Variants in HCRTR2 observed in about 807,000 individuals in gnomAD.
The protein encoded by HCRTR2 is hypocretin receptor 2.
HCRTR2 carries 22 observed loss-of-function variants against 49.0 expected under a neutral mutation model. That is an observed-to-expected ratio of 0.45 (90% CI 0.32 to 0.64). The LOEUF (loss-of-function observed/expected upper bound fraction) is 0.64. HCRTR2 is among the 30% of genes least tolerant of loss of function. HCRTR2 has a pLI of 0.04. For synonymous variants in HCRTR2, 236 were observed against 205.3 expected (o/e 1.15, Z -1.28); for missense variants, 491 against 559.4 (o/e 0.88, Z 1.23).
intron 1 of HCRTR2, among the ~76,000 whole-genome samples, chr6:55,166,956 C>CATCTTATGATTCA (rs70983500): frequency 6.6e-6 from 1 of 151,718 alleles, no homozygotes; most frequent in Non-Finnish European, 1.5e-5. Flanking sequence ...CAAAACCCAA[C>CATCTTATGATTCA]ATTTAAAGGA....
At chr6:55,166,450 C>T (rs1284359881) in intron 1 of HCRTR2, among the ~76,000 whole-genome samples, 2 of 151,714 alleles carry the variant, frequency 1.3e-5, no homozygotes, top group African/African-American at 4.8e-5. Context: ...GTAAAGCCAT[C>T]CAGTTCTGGG....
intron 1 of HCRTR2, among the ~76,000 whole-genome samples, chr6:55,155,373 C>A (rs1188157032): frequency 1.3e-5 from 2 of 151,894 alleles, no homozygotes; most frequent in Non-Finnish European, 2.9e-5. Context: ...AAATAACAAA[C>A]CCACTTAATG....
intron 1 of HCRTR2, among the ~76,000 whole-genome samples, chr6:55,195,615 C>A (rs886561546): frequency 7.9e-5 from 12 of 152,126 alleles, no homozygotes; most frequent in African/African-American, 1.9e-4. Flanking sequence ...ATGATAAATT[C>A]TTGAGGAAAT....
chr6:55,272,182 A>C (rs2127327406), intron 4 of HCRTR2, among the ~76,000 whole-genome samples: 1 of 152,276 alleles, frequency 6.6e-6, no homozygotes, highest in Middle Eastern at 3.4e-3. Flanking sequence ...TCAGCTACTA[A>C]AAGAAATGAA....
intron 1 of HCRTR2, among the ~76,000 whole-genome samples, chr6:55,190,222 C>T (rs895373336): frequency 5.3e-5 from 8 of 152,156 alleles, no homozygotes; most frequent in African/African-American, 1.7e-4. Context: ...ACAAAACAGA[C>T]GAAGCTCCTT....
At chr6:55,241,597 A>G (rs1042957913) in intron 1 of HCRTR2, among the ~76,000 whole-genome samples, 14 of 152,148 alleles carry the variant, frequency 9.2e-5, no homozygotes, top group Non-Finnish European at 2.1e-4. Context: ...ACAACTTACT[A>G]CAAATAATAC....
intron 1 of HCRTR2, among the ~76,000 whole-genome samples, chr6:55,189,887 T>C (rs1765287738): frequency 1.3e-5 from 2 of 152,176 alleles, no homozygotes; most frequent in Admixed American, 1.3e-4. Context: ...TCAACTGTAG[T>C]GTATAGAAGG....
At chr6:55,174,841 G>T in intron 1 of HCRTR2, 31 bp downstream of exon 1, 5 of 1,570,094 alleles carry the variant, frequency 3.2e-6, no homozygotes, top group Non-Finnish European at 4.4e-6. Context: ...CCCTCCTAGG[G>T]GCTATCACCC....
chr6:55,198,295 C>T (rs745499912), intron 1 of HCRTR2, among the ~76,000 whole-genome samples: 1 of 152,084 alleles, frequency 6.6e-6, no homozygotes, highest in Non-Finnish European at 1.5e-5. Flanking sequence ...TATCTCCAAC[C>T]CTAACCCTAA....
At chr6:55,256,251 A>G (rs184854854) in intron 3 of HCRTR2, among the ~76,000 whole-genome samples, 91 of 152,312 alleles carry the variant, frequency 6.0e-4, no homozygotes, top group African/African-American at 2.0e-3. Context: ...AGGTAAGTAT[A>G]CTAAAATGGC....
At chr6:55,155,867 G>C (rs1764724092) in intron 1 of HCRTR2, among the ~76,000 whole-genome samples, 1 of 151,920 alleles carries the variant, frequency 6.6e-6, no homozygotes, top group South Asian at 2.1e-4. Flanking sequence ...ATAAGCATGA[G>C]AGAAATACCT....
At chr6:55,237,520 C>T (rs555374206) in intron 1 of HCRTR2, among the ~76,000 whole-genome samples, 1 of 152,228 alleles carries the variant, frequency 6.6e-6, no homozygotes, top group Middle Eastern at 3.4e-3. Flanking sequence ...ACTAAATTTC[C>T]GGCTCAGCAT....
intron 1 of HCRTR2, among the ~76,000 whole-genome samples, chr6:55,244,058 C>T (rs11755655): frequency 0.066 from 10,079 of 151,996 alleles, 513 homozygotes; most frequent in African/African-American, 0.14. Context: ...GGTCTGGGCA[C>T]GGAATATGTT....
At chr6:55,273,914 T>TA (rs1457485974) in intron 4 of HCRTR2, among the ~76,000 whole-genome samples, 1 of 152,056 alleles carries the variant, frequency 6.6e-6, no homozygotes, top group Non-Finnish European at 1.5e-5. Flanking sequence ...CAAATACACT[T>TA]AAACACTCAA....
rs531019352 is a variant in HCRTR2 at position 55,224,609 on chromosome 6, C to T, written c.224-24030C>T. Among the ~76,000 whole-genome samples the T allele has an allele frequency of 1.4e-3, 207 of 144,054 alleles. 1 individual carries two copies. Among genetic ancestry groups the T allele is most frequent in the Non-Finnish European group, 2.3e-3 (153 of 67,058 alleles). The allele number at this position is 144,054 out of a possible 152,430, so 94.5% of individuals were successfully genotyped here. A position where few individuals can be genotyped will look rare whatever the true frequency, so the allele number is the denominator to read the frequency against. On this transcript the variant is annotated intron_variant, in intron 1 of 6. Coordinates refer to ENST00000370862, the MANE Select transcript of HCRTR2 (RefSeq NM_001384272.1). ...CTGAACTCCAGCCTGGGCTACAGAA[C>T]GAGACTCCGTCTCAGTTAAAAAAAA...
intron 1 of HCRTR2, among the ~76,000 whole-genome samples, chr6:55,175,307 C>A (rs530431527): frequency 2.6e-5 from 4 of 152,024 alleles, no homozygotes; most frequent in Non-Finnish European, 5.9e-5. Flanking sequence ...TGCCCTTTGG[C>A]GAGGAGGTTT....
chr6:55,136,430 A>T (rs1764434832), intron 1 of HCRTR2, among the ~76,000 whole-genome samples: 1 of 152,266 alleles, frequency 6.6e-6, no homozygotes, highest in South Asian at 2.1e-4. Context: ...GTGGAGTAGA[A>T]TGTTAGACAC....
intron 1 of HCRTR2, among the ~76,000 whole-genome samples, chr6:55,108,173 G>A (rs575817128): frequency 2.0e-5 from 3 of 152,160 alleles, no homozygotes; most frequent in Non-Finnish European, 4.4e-5. Flanking sequence ...GTTTTATTCT[G>A]AAGGCAACTT....
intron 1 of HCRTR2, among the ~76,000 whole-genome samples, chr6:55,120,280 C>A (rs1209415943): frequency 1.3e-5 from 2 of 149,936 alleles, no homozygotes; most frequent in Non-Finnish European, 3.0e-5. Flanking sequence ...ATATTTTTTC[C>A]AATTCTGTGA....
Sources: gnomAD v4.1 joint callset for allele counts (sites outside exome capture counted in the v4.1 genomes callset) on GRCh38, gnomAD v4.1.1 for gene constraint, MANE v1.5 for transcripts, NCBI Gene and HGNC (gene_info 2026-07-23, HGNC 2026-07-21) for gene names.